GRM5: variants seen among roughly 807,000 people sequenced by gnomAD.
GRM5 encodes glutamate metabotropic receptor 5, also known as metabotropic glutamate receptor 5.
Under a neutral mutation model 83.1 loss-of-function variants are expected in GRM5, and 19 were observed. The observed-to-expected ratio is 0.23, with a 90% confidence interval of 0.16 to 0.34. The LOEUF is 0.34. GRM5 is among the 10% of genes least tolerant of loss of function. GRM5 has a pLI of 1.00. For missense variants in GRM5, 1,160 were observed against 1,588.3 expected (o/e 0.73, Z 4.58); for synonymous variants, 675 against 633.6 (o/e 1.07, Z -0.98).
intron 2 of GRM5, among the ~76,000 whole-genome samples, chr11:88,862,834 C>A (rs996441242): frequency 6.6e-6 from 1 of 151,958 alleles, no homozygotes; most frequent in African/African-American, 2.4e-5. Flanking sequence ...AGACCATCTA[C>A]AGAATAGGGA....
intron 2 of GRM5, among the ~76,000 whole-genome samples, chr11:88,981,831 G>A (rs1939533939): frequency 6.6e-6 from 1 of 152,152 alleles, no homozygotes. Context: ...ATCACAGACA[G>A]CTATAAGGGT....
intron 3 of GRM5, among the ~76,000 whole-genome samples, chr11:88,680,456 C>T (rs552259721): frequency 2.4e-4 from 36 of 152,142 alleles, no homozygotes; most frequent in East Asian, 5.8e-4. Context: ...GGTGTATATG[C>T]GCCACATTTT....
intron 3 of GRM5, among the ~76,000 whole-genome samples, chr11:88,830,775 C>T (rs1315904672): frequency 6.6e-6 from 1 of 152,054 alleles, no homozygotes; most frequent in Non-Finnish European, 1.5e-5. Flanking sequence ...AAAGACATAC[C>T]CAAGACTGGG....
At chr11:88,719,829 TTATCA>T (rs1161365073) in intron 3 of GRM5, among the ~76,000 whole-genome samples, 1 of 152,126 alleles carries the variant, frequency 6.6e-6, no homozygotes, top group African/African-American at 2.4e-5. Context: ...GTTGGGCATT[TTATCA>T]TATAATTGTT....
chr11:88,952,172 C>T (rs905954688), intron 2 of GRM5, among the ~76,000 whole-genome samples: 18 of 152,032 alleles, frequency 1.2e-4, no homozygotes, highest in African/African-American at 2.9e-4. Flanking sequence ...ATGTTCTCTG[C>T]GTTTTCTTTA....
chr11:89,010,680 A>G (rs2135089077), intron 2 of GRM5, among the ~76,000 whole-genome samples: 1 of 151,782 alleles, frequency 6.6e-6, no homozygotes, highest in Middle Eastern at 3.4e-3. Context: ...AATTATTGAT[A>G]TAAACAACTT....
intron 3 of GRM5, among the ~76,000 whole-genome samples, chr11:88,798,816 A>AC (rs902015818): frequency 3.4e-4 from 49 of 142,504 alleles, no homozygotes; most frequent in African/African-American, 1.1e-3. Context: ...AAAAAAAAAA[A>AC]AAAAAAAAAA....
rs193110713 is a variant in GRM5, at chr11:88,692,392, G to A, written c.912-38989C>T. Among the ~76,000 whole-genome samples the A allele has an allele frequency of 3.0e-3, 464 of 152,262 alleles. 3 individuals are homozygous for A. Among genetic ancestry groups the A allele is most frequent in the Non-Finnish European group, 8.8e-4 (60 of 68,008 alleles). ...TAGATGCATTAATGGATGAATGAGT[G>A]AGTAAATGAATGAACTAGGTTATTA... On this transcript the variant is annotated intron_variant, in intron 3 of 9. Transcript: ENST00000305447.
chr11:88,638,246 G>T (rs1939193671), intron 4 of GRM5, among the ~76,000 whole-genome samples: 1 of 151,608 alleles, frequency 6.6e-6, no homozygotes, highest in Non-Finnish European at 1.5e-5. Flanking sequence ...CATGGCACAT[G>T]TATACATATG....
intron 3 of GRM5, among the ~76,000 whole-genome samples, chr11:88,660,562 G>T (rs1591420301): frequency 6.6e-6 from 1 of 152,086 alleles, no homozygotes; most frequent in African/African-American, 2.4e-5. Flanking sequence ...AAAAATGTTG[G>T]AATCTGAATG....
intron 2 of GRM5, among the ~76,000 whole-genome samples, chr11:88,859,690 C>T (rs1944530400): frequency 6.6e-6 from 1 of 152,116 alleles, no homozygotes; most frequent in African/African-American, 2.4e-5. Flanking sequence ...TCTTAAGACA[C>T]TGGGTAAAAA....
At chr11:88,568,062 C>T (rs527602305) in intron 7 of GRM5, 70 bp from the exon 8 acceptor site, 41 of 946,958 alleles carry the variant, frequency 4.3e-5, no homozygotes, top group East Asian at 1.0e-4. Flanking sequence ...CCCTAAGTTA[C>T]AAGCAGCTGT....
chr11:88,599,167 C>T (rs1249646359), intron 5 of GRM5, among the ~76,000 whole-genome samples: 14 of 152,172 alleles, frequency 9.2e-5, no homozygotes, highest in Non-Finnish European at 7.3e-5. Flanking sequence ...ATATCCATGC[C>T]TCTTTGTTTT....
chr11:88,951,652 C>A (rs7110923), intron 2 of GRM5, among the ~76,000 whole-genome samples: 3,327 of 152,332 alleles, frequency 0.022, 76 homozygotes, highest in East Asian at 0.098. Context: ...GAAACAGTAG[C>A]AACTTGCTTA....
chr11:88,982,424 AG>A (rs1939556213), intron 2 of GRM5, among the ~76,000 whole-genome samples: 1 of 152,190 alleles, frequency 6.6e-6, no homozygotes, highest in African/African-American at 2.4e-5. Context: ...ATTTGGAAAA[AG>A]AACTCCACCC....
chr11:88,589,235 C>CTG (rs1937601268), intron 7 of GRM5, among the ~76,000 whole-genome samples: 1 of 151,978 alleles, frequency 6.6e-6, no homozygotes, highest in African/African-American at 2.4e-5. Flanking sequence ...GGCATTTTTA[C>CTG]TGTGTGTGTG....
chr11:88,846,737 T>C (rs1944309080), intron 3 of GRM5, among the ~76,000 whole-genome samples: 1 of 143,432 alleles, frequency 7.0e-6, no homozygotes, highest in Non-Finnish European at 1.5e-5. Flanking sequence ...TCAAGTTGAA[T>C]TGGGGAAGAG....
intron 2 of GRM5, among the ~76,000 whole-genome samples, chr11:89,006,624 C>T (rs1278847362): frequency 1.3e-5 from 2 of 152,206 alleles, no homozygotes; most frequent in Non-Finnish European, 2.9e-5. Flanking sequence ...CATTTTCACG[C>T]CTTGCTTTCC....
chr11:88,858,706 CT>C (rs1944514130), intron 2 of GRM5, among the ~76,000 whole-genome samples: 1 of 151,988 alleles, frequency 6.6e-6, no homozygotes, highest in South Asian at 2.1e-4. Context: ...CCTCCAGCAA[CT>C]CTAGTTCATA....
Sources: gnomAD v4.1 joint callset for allele counts (sites outside exome capture counted in the v4.1 genomes callset) on GRCh38, gnomAD v4.1.1 for gene constraint, MANE v1.5 for transcripts, NCBI Gene and HGNC (gene_info 2026-07-23, HGNC 2026-07-21) for gene names.